Variants in HS2ST1 observed in about 807,000 individuals in gnomAD.
HS2ST1 encodes the protein 2-O-sulfotransferase.
HS2ST1 carries 18 observed loss-of-function variants against 42.9 expected under a neutral mutation model. The ratio of observed to expected loss-of-function variants is 0.42; its 90% CI spans 0.29 to 0.62. The LOEUF is 0.62. Ranked by LOEUF, HS2ST1 falls within the 20% of genes least tolerant of loss-of-function variation. HS2ST1 has a pLI of 0.21. For synonymous variants in HS2ST1, 146 were observed against 152.9 expected, an observed-to-expected ratio of 0.95 and a Z score of 0.33; for missense variants, 334 against 433.8, an observed-to-expected ratio of 0.77 and a Z score of 2.04.
intron 1 of HS2ST1, among the ~76,000 whole-genome samples, chr1:87,015,999 T>G (rs1649745928): frequency 6.6e-6 from 1 of 151,776 alleles, no homozygotes; most frequent in Non-Finnish European, 1.5e-5. Context: ...ATATTTTTAG[T>G]AGAGACGGGG....
chr1:86,921,051 G>A (rs1660282050), intron 1 of HS2ST1, among the ~76,000 whole-genome samples: 1 of 151,962 alleles, frequency 6.6e-6, no homozygotes. Context: ...TTTAAAACAT[G>A]TTGTACATGA....
At chr1:86,917,835 T>G in intron 1 of HS2ST1, among the ~76,000 whole-genome samples, 1 of 152,250 alleles carries the variant, frequency 6.6e-6, no homozygotes. Context: ...GGAATTGGTT[T>G]AATGTAACGT....
intron 1 of HS2ST1, among the ~76,000 whole-genome samples, chr1:86,948,280 T>TA (rs1264575092): frequency 2.0e-5 from 3 of 152,202 alleles, no homozygotes; most frequent in Non-Finnish European, 4.4e-5. Flanking sequence ...TTTCATTAGT[T>TA]ACGTTTATTT....
intron 1 of HS2ST1, among the ~76,000 whole-genome samples, chr1:86,927,663 G>C (rs540560971): frequency 1.3e-5 from 2 of 152,280 alleles, no homozygotes; most frequent in African/African-American, 4.8e-5. Flanking sequence ...TGGGAAAGGA[G>C]AGTTGTGTTG....
intron 1 of HS2ST1, among the ~76,000 whole-genome samples, chr1:87,025,289 G>A (rs926362629): frequency 1.3e-5 from 2 of 152,204 alleles, no homozygotes; most frequent in Non-Finnish European, 2.9e-5. Context: ...ACTTGAACCT[G>A]GAACCCAACA....
At chr1:87,072,262 ATT>A in intron 1 of HS2ST1, among the ~76,000 whole-genome samples, 1 of 152,244 alleles carries the variant, frequency 6.6e-6, no homozygotes, top group Middle Eastern at 3.4e-3. Context: ...TCTAAGTCAT[ATT>A]GTTTCTACTC....
intron 1 of HS2ST1, among the ~76,000 whole-genome samples, chr1:86,921,601 C>CT (rs1316570011): frequency 1.3e-5 from 2 of 152,078 alleles, no homozygotes; most frequent in Non-Finnish European, 2.9e-5. Flanking sequence ...AGTGTGTTCT[C>CT]TTTTTTCTAC....
At chr1:87,012,645 C>G (rs989407769) in intron 1 of HS2ST1, among the ~76,000 whole-genome samples, 1 of 152,164 alleles carries the variant, frequency 6.6e-6, no homozygotes, top group South Asian at 2.1e-4. Flanking sequence ...CAAAATGAAT[C>G]ATGCCTTCCC....
intron 1 of HS2ST1, among the ~76,000 whole-genome samples, chr1:87,010,732 A>G (rs1398901110): frequency 6.6e-6 from 1 of 152,074 alleles, no homozygotes; most frequent in East Asian, 1.9e-4. Context: ...CAATAAAAGC[A>G]TATAAAGACA....
At chr1:87,029,513 G>C (rs749126377) in intron 1 of HS2ST1, among the ~76,000 whole-genome samples, 8 of 152,138 alleles carry the variant, frequency 5.3e-5, no homozygotes, top group Non-Finnish European at 1.2e-4. Flanking sequence ...ACAAATTGAT[G>C]TTAAATGAGA....
chr1:87,033,525 GTGTTTTTT>G (rs901060251), intron 1 of HS2ST1, among the ~76,000 whole-genome samples: 65 of 150,098 alleles, frequency 4.3e-4, no homozygotes, highest in African/African-American at 1.3e-3. Flanking sequence ...TTTTAAAGTA[GTGTTTTTT>G]TGTTTTTTTG....
intron 1 of HS2ST1, among the ~76,000 whole-genome samples, chr1:87,069,084 G>C (rs976565841): frequency 6.6e-6 from 1 of 152,166 alleles, no homozygotes; most frequent in East Asian, 1.9e-4. Flanking sequence ...ACACTGAGCA[G>C]GCTGAGGAGG....
chr1:86,995,734 GAC>G (rs1649078368), intron 1 of HS2ST1, among the ~76,000 whole-genome samples: 1 of 152,124 alleles, frequency 6.6e-6, no homozygotes, highest in Non-Finnish European at 1.5e-5. Flanking sequence ...AAACAGGAGA[GAC>G]AAGCTTCTGC....
At chr1:87,035,003 A>C (rs1488085454) in intron 1 of HS2ST1, among the ~76,000 whole-genome samples, 1 of 152,212 alleles carries the variant, frequency 6.6e-6, no homozygotes, top group Non-Finnish European at 1.5e-5. Context: ...GTAATGACAG[A>C]AGCAGGAGTC....
chr1:87,018,329 T>C (rs1022258167), intron 1 of HS2ST1, among the ~76,000 whole-genome samples: 3 of 152,216 alleles, frequency 2.0e-5, no homozygotes, highest in Admixed American at 6.5e-5. Context: ...GGGAGCTTCT[T>C]TACTAGTTTT....
At chr1:87,021,553 C>T (rs1649952661) in intron 1 of HS2ST1, among the ~76,000 whole-genome samples, 1 of 152,148 alleles carries the variant, frequency 6.6e-6, no homozygotes, top group Non-Finnish European at 1.5e-5. Flanking sequence ...TTCACTCTGT[C>T]ATCCAGGGTG....
chr1:86,991,476 T>C (rs534900648), intron 1 of HS2ST1, among the ~76,000 whole-genome samples: 5 of 152,336 alleles, frequency 3.3e-5, no homozygotes, highest in Non-Finnish European at 5.9e-5. Context: ...CCTCCTGTGA[T>C]TGGCCAAGCC....
At chr1:87,044,036 TCAGCA>T (rs1323442429) in intron 1 of HS2ST1, among the ~76,000 whole-genome samples, 1 of 152,076 alleles carries the variant, frequency 6.6e-6, no homozygotes, top group African/African-American at 2.4e-5. Flanking sequence ...TATATTCAGT[TCAGCA>T]GGCCAAGACA....
chr1:87,102,231 T>C (rs2100657429), intron 5 of HS2ST1, among the ~76,000 whole-genome samples: 1 of 152,236 alleles, frequency 6.6e-6, no homozygotes, highest in South Asian at 2.1e-4. Context: ...GCTGATTTTG[T>C]ATTTTTAGTA....
Sources: allele counts gnomAD v4.1 joint callset (sites outside exome capture counted in the v4.1 genomes callset), GRCh38; gene constraint gnomAD v4.1.1; transcripts MANE v1.5; gene names NCBI Gene and HGNC (gene_info 2026-07-23, HGNC 2026-07-21).